Variants in MIB1 observed in about 807,000 individuals in gnomAD.
MIB1 encodes the protein E3 ubiquitin-protein ligase MIB1.
A neutral mutation model predicts 124.5 loss-of-function variants in MIB1; 278 were observed. That is an observed-to-expected ratio of 2.23 (90% CI 2.02 to 2.47). The LOEUF is 2.47. Ranked by LOEUF, MIB1 falls within the 30% of genes most tolerant of loss-of-function variation. The pLI, the probability that MIB1 is intolerant of heterozygous loss-of-function variation, is 0.00. For missense variants in MIB1, 957 were observed against 1,254.4 expected (o/e 0.76, Z 3.58); for synonymous variants, 446 against 429.4 (o/e 1.04, Z -0.48).
At chr18:21,841,770 A>C (rs779359969) in intron 13 of MIB1, among the ~76,000 whole-genome samples, 5 of 152,202 alleles carry the variant, frequency 3.3e-5, no homozygotes, top group African/African-American at 4.8e-5. Flanking sequence ...TACTTGTACT[A>C]AATGTTTGTA....
chr18:21,796,999 G>A (rs2041589707), intron 7 of MIB1, among the ~76,000 whole-genome samples: 1 of 152,016 alleles, frequency 6.6e-6, no homozygotes, highest in Non-Finnish European at 1.5e-5. Context: ...TGTGGATCTT[G>A]ATTTAAACAA....
chr18:21,813,699 T>A (rs2041799586), intron 10 of MIB1, among the ~76,000 whole-genome samples: 1 of 152,226 alleles, frequency 6.6e-6, no homozygotes. Context: ...AATGAACTAT[T>A]TAAGTGCATT....
intron 9 of MIB1, 49 bp downstream of exon 9, chr18:21,800,023 T>C: frequency 6.8e-7 from 1 of 1,480,446 alleles, no homozygotes; most frequent in Non-Finnish European, 9.3e-7. Flanking sequence ...TAGAATAGTA[T>C]AATGAACCTT....
intron 1 of MIB1, among the ~76,000 whole-genome samples, chr18:21,745,741 C>T (rs936130479): frequency 6.6e-6 from 1 of 151,860 alleles, no homozygotes; most frequent in African/African-American, 2.4e-5. Flanking sequence ...CAGTCTCCCT[C>T]TGTGGTCCAG....
At chr18:21,817,460 G>A (rs2041840650) in intron 11 of MIB1, among the ~76,000 whole-genome samples, 1 of 152,070 alleles carries the variant, frequency 6.6e-6, no homozygotes, top group African/African-American at 2.4e-5. Flanking sequence ...TATATTCCTG[G>A]GATTAGCAAA....
At chr18:21,757,125 G>A (rs558252532) in intron 1 of MIB1, among the ~76,000 whole-genome samples, 10 of 152,016 alleles carry the variant, frequency 6.6e-5, no homozygotes, top group African/African-American at 2.4e-4. Flanking sequence ...AGATGGTGTG[G>A]TGGTCAACTA....
chr18:21,799,874 A>G lies in MIB1; in HGVS notation c.1271A>G (p.Glu424Gly), dbSNP rs772849498. 1.9e-6 allele frequency: 3 copies of G among 1,611,718 alleles called. No individual in the cohort carries two copies. Among genetic ancestry groups the G allele is most frequent in the Non-Finnish European group, 2.5e-6 (3 of 1,178,420 alleles). Residue 424 changes from glutamate to glycine, a missense_variant, in exon 9 of 21, where the codon GAA becomes GGA. Glu to Gly is a moderately conservative substitution (Grantham distance 98). Coordinates refer to ENST00000261537, the MANE Select transcript of MIB1 (RefSeq NM_020774.4). ...RLSQLLKKLFETQESGDLNEE... is the reference protein window; with the variant it reads ...RLSQLLKKLFGTQESGDLNEE... ...TCACAACTCCTGAAGAAATTATTTGAAACCCAAGAATCTGGTGACCTCAAT... is the reference window on the plus strand; with the variant it reads ...TCACAACTCCTGAAGAAATTATTTGGAACCCAAGAATCTGGTGACCTCAAT...
Position 21,803,876 on chromosome 18 carries a change from ATTCT to A in MIB1, c.1372-27_1372-24del, listed in dbSNP as rs761328256. On this transcript the variant is annotated intron_variant, in intron 9 of 20. Coordinates refer to ENST00000261537, the MANE Select transcript of MIB1 (RefSeq NM_020774.4). Reference sequence around the variant, plus strand: ...ATTGCCTGTTTCTGATTATTCATTCATTCTTTCATTCTTTTTTTTAAAAAATGTA... The same window carrying A: ...ATTGCCTGTTTCTGATTATTCATTCATTCATTCTTTTTTTTAAAAAATGTA... The A allele has an allele frequency of 2.9e-4, 439 of 1,510,112 alleles. 1 individual carries two copies. Among genetic ancestry groups the A allele is most frequent in the Non-Finnish European group, 2.2e-4 (238 of 1,088,926 alleles). 93.5% of individuals were successfully genotyped at this position (1,510,112 alleles called of 1,614,324 possible).
intron 1 of MIB1, among the ~76,000 whole-genome samples, chr18:21,765,301 C>G (rs1190987085): frequency 6.6e-6 from 1 of 152,150 alleles, no homozygotes; most frequent in Non-Finnish European, 1.5e-5. Flanking sequence ...AAAAACTTGT[C>G]AATATCTAAG....
intron 1 of MIB1, among the ~76,000 whole-genome samples, chr18:21,730,179 T>C (rs2040762066): frequency 6.6e-6 from 1 of 152,242 alleles, no homozygotes; most frequent in Admixed American, 6.5e-5. Context: ...ATCAGTGTCT[T>C]CTTTGTTCCT....
intron 12 of MIB1, chr18:21,831,105 C>CAAAAAA (rs199659946): frequency 9.9e-5 from 6 of 60,882 alleles, no homozygotes; most frequent in East Asian, 3.9e-4. Context: ...CTAAAAAAGA[C>CAAAAAA]AAAAAAAAAA....
At chr18:21,841,226 C>T (rs111559050) in intron 13 of MIB1, among the ~76,000 whole-genome samples, 2,431 of 152,096 alleles carry the variant, frequency 0.016, 38 homozygotes, top group East Asian at 0.068. Flanking sequence ...ATTAGCCAGG[C>T]GTGGTGGCAC....
chr18:21,776,268 CA>C (rs11298130), intron 4 of MIB1, among the ~76,000 whole-genome samples: 114,948 of 130,932 alleles, frequency 0.88, 50,324 homozygotes, highest in East Asian at 0.98. Flanking sequence ...GACCCTGTCT[CA>C]AAAAAAAAAA....
chr18:21,836,512 A>G lies in MIB1; in HGVS notation c.1830-1853A>G, dbSNP rs1272836104. On this transcript the variant is annotated intron_variant, in intron 12 of 20. Coordinates refer to ENST00000261537, the MANE Select transcript of MIB1 (RefSeq NM_020774.4). Reference sequence around the variant, plus strand: ...CCTTACCCCTTTTTTGTCCCGACCAACAACTTGGAACTTATCCTGTAATTT... The same window carrying G: ...CCTTACCCCTTTTTTGTCCCGACCAGCAACTTGGAACTTATCCTGTAATTT... 3.3e-5 allele frequency among the ~76,000 whole-genome samples: 5 copies of G among 152,262 alleles called. No homozygotes were observed. The East Asian group carries it at 5.8e-4, about 18-fold the overall frequency.
At chr18:21,825,601 T>C (rs1598629254) in intron 12 of MIB1, 1 of 458,750 alleles carries the variant, frequency 2.2e-6, no homozygotes, top group East Asian at 6.8e-5. Context: ...TAACAAGTTA[T>C]TTGATTATAA....
rs1830671895 is a variant in MIB1 at position 21,870,603 on chromosome 18, A to G, written c.*5937A>G. The G allele has an allele frequency of 6.6e-6, 1 of 152,142 alleles. No homozygotes were observed. The highest frequency in any genetic ancestry group is 2.4e-5 in the African/African-American group (1 of 41,440). 9.4% of individuals were successfully genotyped at this position (152,142 alleles called of 1,614,324 possible). On this transcript the variant is annotated 3_prime_UTR_variant, in exon 21 of 21. Transcript: ENST00000261537. ...AAGAGGTAGATATTTTAAAGCAATG[A>G]TCTATTTGGGTTTTAGTTTTATGAG...
Position 21,764,540 on chromosome 18 carries a change from A to C in MIB1, c.230-1232A>C, listed in dbSNP as rs1242607844. Among the ~76,000 whole-genome samples, 6 of 152,298 alleles carry C rather than the reference A, an allele frequency of 3.9e-5. No individual in the cohort carries two copies. The South Asian group carries it at 6.2e-4, about 16-fold the overall frequency. On this transcript the variant is annotated intron_variant, in intron 1 of 20. Coordinates refer to ENST00000261537, the MANE Select transcript of MIB1 (RefSeq NM_020774.4). ...TTTAAAGAATATATTACATTCCCCA[A>C]AGGGGACTGAGGTTGTGAGAATGAA...
chr18:21,745,340 C>G (rs1568183797), intron 1 of MIB1, among the ~76,000 whole-genome samples: 1 of 152,158 alleles, frequency 6.6e-6, no homozygotes. Context: ...ATAGGAATGT[C>G]CTGTGCATTG....
intron 20 of MIB1, among the ~76,000 whole-genome samples, chr18:21,862,311 T>C (rs2042283879): frequency 6.6e-6 from 1 of 152,222 alleles, no homozygotes. Context: ...TAGGCTACAA[T>C]TCCTTTTACA....
Sources: gnomAD v4.1 joint callset for allele counts (sites outside exome capture counted in the v4.1 genomes callset) on GRCh38, gnomAD v4.1.1 for gene constraint, MANE v1.5 for transcripts, NCBI Gene and HGNC (gene_info 2026-07-23, HGNC 2026-07-21) for gene names.